Variants in ZNF737 observed in about 807,000 individuals in gnomAD.
ZNF737 encodes zinc finger protein 102 (Y3).
ZNF737 carries 13 observed loss-of-function variants against 11.7 expected under a neutral mutation model. That is an observed-to-expected ratio of 1.11 (90% CI 0.73 to 1.77). The LOEUF (loss-of-function observed/expected upper bound fraction) is 1.77. ZNF737 is among the 40% of genes most tolerant of loss of function. The probability of loss-of-function intolerance (pLI) is 0.00; values close to 1 mark genes in which losing one functional copy is unlikely to be tolerated. For missense variants in ZNF737, 636 were observed against 638.0 expected, an observed-to-expected ratio of 1.00 and a Z score of 0.03; for synonymous variants, 217 against 216.2, an observed-to-expected ratio of 1.00 and a Z score of -0.03.
chr19:20,533,209 A>G (rs571892526), downstream of ZNF737, among the ~76,000 whole-genome samples: 3 of 150,138 alleles, frequency 2.0e-5, no homozygotes, highest in Non-Finnish European at 4.4e-5. Flanking sequence ...CTTTGAATAT[A>G]TTAAGTGCAG....
Position 20,538,632 on chromosome 19 carries a change from A to C in ZNF737, c.*5960T>G. ...CTATTTCTTTACAGCTCCAGAGAAC[A>C]AACATTTCTAAAACCATTATGGACC... is the stretch of plus-strand genomic sequence containing the variant. On this transcript the variant is annotated 3_prime_UTR_variant, in exon 4 of 4. Coordinates refer to ENST00000427401, the MANE Select transcript of ZNF737 (RefSeq NM_001159293.2). The C allele has an allele frequency of 4.1e-6, 4 of 983,716 alleles. No homozygotes were observed. The highest frequency in any genetic ancestry group is 4.8e-6 in the Non-Finnish European group (4 of 828,348). The allele number at this position is 983,716 out of a possible 1,614,324, so 60.9% of individuals were successfully genotyped here. A position where few individuals can be genotyped will look rare whatever the true frequency, so the allele number is the denominator to read the frequency against.
rs782606295 is a variant in ZNF737 at position 20,545,855 on chromosome 19, GC to G, written c.347del (p.Gly116AlafsTer5). ...CCTTACACTCATCTACACTTTCACA[GC>G]CCTTTTTAAACTGTAAATTGTCATG... ...YGHDNLQFKK[G>X]CESVDECKVH... On this transcript the variant is annotated frameshift_variant, in exon 4 of 4. Transcript: ENST00000427401. LOFTEE classifies it low-confidence loss of function (END_TRUNC). 3 of 1,613,178 alleles carry G rather than the reference GC, an allele frequency of 1.9e-6. No homozygotes were observed. The African/African-American group carries it at 4.0e-5, about 22-fold the overall frequency.
rs1968427931 is a variant in ZNF737, at chr19:20,545,686, A to C, written c.517T>G (p.Phe173Val). The change falls in exon 4 of 4, where the codon TTC (phenylalanine) becomes GTC (valine). Residue 173 changes from phenylalanine (F) to valine (V), a missense_variant. Coordinates refer to ENST00000427401, the MANE Select transcript of ZNF737 (RefSeq NM_001159293.2). ...GCTTTGCCACATTCTATACATTTGA[A>C]AGGTTTTTTTCCAGTATGTCTTATC... is the stretch of plus-strand genomic sequence containing the variant. ...HKIRHTGKKP[F>V]KCIECGKAFN... 1 of 1,613,612 alleles carries C rather than the reference A, an allele frequency of 6.2e-7. No individual in the cohort carries two copies.
chr19:20,561,172 TGCAC>T (rs1969078786), intron 1 of ZNF737, among the ~76,000 whole-genome samples: 2 of 152,204 alleles, frequency 1.3e-5, no homozygotes, highest in African/African-American at 4.8e-5. Context: ...TATTACTGTG[TGCAC>T]GCAGACATAT....
chr19:20,536,816 G>C (rs1555753965), downstream of ZNF737, among the ~76,000 whole-genome samples: 1 of 152,298 alleles, frequency 6.6e-6, no homozygotes, highest in African/African-American at 2.4e-5. Flanking sequence ...GGTGGTGGGT[G>C]CCTGTAATCC....
chr19:20,562,121 GCA>G (rs1191411629), intron 1 of ZNF737, among the ~76,000 whole-genome samples: 2 of 151,284 alleles, frequency 1.3e-5, no homozygotes, highest in South Asian at 2.1e-4. Flanking sequence ...TATCACACAG[GCA>G]CACACACACA....
At chr19:20,560,611 T>C (rs193145594) in intron 1 of ZNF737, among the ~76,000 whole-genome samples, 1 of 151,998 alleles carries the variant, frequency 6.6e-6, no homozygotes, top group Admixed American at 6.6e-5. Context: ...AGAAAAGCCA[T>C]CTCTACTAAA....
chr19:20,556,035 G>A (rs1968876281), intron 1 of ZNF737, among the ~76,000 whole-genome samples: 1 of 151,996 alleles, frequency 6.6e-6, no homozygotes, highest in African/African-American at 2.4e-5. Context: ...GGAAAAATGA[G>A]CTGCTCCATA....
chr19:20,533,568 A>G (rs781946308), downstream of ZNF737, among the ~76,000 whole-genome samples: 1 of 150,098 alleles, frequency 6.7e-6, no homozygotes, highest in Non-Finnish European at 1.5e-5. Flanking sequence ...TGTAGAATTA[A>G]TTGCCTTCTG....
At chr19:20,537,055 A>C (rs1967994180), downstream of ZNF737, among the ~76,000 whole-genome samples, 1 of 152,158 alleles carries the variant, frequency 6.6e-6, no homozygotes, top group Admixed American at 6.5e-5. Flanking sequence ...GTGATCTGAG[A>C]TCATAACACT....
chr19:20,557,912 G>T lies in ZNF737; in HGVS notation c.4-4077C>A, dbSNP rs112418124. ...TTACAGGCATGAGCAACCATGCCCA[G>T]CTTTTCTAGGGTAATTTTATTAGAA... On this transcript the variant is annotated intron_variant, in intron 1 of 3. Coordinates refer to ENST00000427401, the MANE Select transcript of ZNF737 (RefSeq NM_001159293.2). 6.4e-3 allele frequency among the ~76,000 whole-genome samples: 972 copies of T among 152,196 alleles called. 7 individuals are homozygous for T. The highest frequency in any genetic ancestry group is 0.023 in the African/African-American group (938 of 41,516).
rs926193291 is a variant in ZNF737 at position 20,538,448 on chromosome 19, G to T, written c.*6144C>A. Among the ~76,000 whole-genome samples the T allele has an allele frequency of 2.0e-5, 3 of 152,174 alleles. No individual in the cohort carries two copies. The highest frequency in any genetic ancestry group is 4.4e-5 in the Non-Finnish European group (3 of 68,040). The stretch of plus-strand genomic sequence containing the variant: ...AACAATTGGGACATACAGAATGTGA[G>T]GTCCCATTCCAGCCAATGAAAACCA... On this transcript the variant is annotated 3_prime_UTR_variant, in exon 4 of 4. Transcript: ENST00000427401.
Position 20,540,130 on chromosome 19 carries a change from A to G in ZNF737, c.*4462T>C, listed in dbSNP as rs1555754786. ...ACATGGAGGAGGCAGAAATGATGGCAAGATACAAACATTTTTCCCGCCATG... is the reference window on the plus strand; with the variant it reads ...ACATGGAGGAGGCAGAAATGATGGCGAGATACAAACATTTTTCCCGCCATG... On this transcript the variant is annotated 3_prime_UTR_variant, in exon 4 of 4. Transcript: ENST00000427401. 1 of 985,274 alleles carries G rather than the reference A, an allele frequency of 1.0e-6. No individual in the cohort carries two copies. The highest frequency in any genetic ancestry group is 1.2e-6 in the Non-Finnish European group (1 of 829,932). The allele number at this position is 985,274 out of a possible 1,614,324, so 61.0% of individuals were successfully genotyped here. A position where few individuals can be genotyped will look rare whatever the true frequency, so the allele number is the denominator to read the frequency against.
intron 1 of ZNF737, among the ~76,000 whole-genome samples, chr19:20,558,105 T>C (rs561273457): frequency 2.0e-5 from 3 of 151,312 alleles, no homozygotes; most frequent in East Asian, 3.9e-4. Flanking sequence ...CTACTAAATA[T>C]ACAAAGATTA....
chr19:20,535,360 G>A (rs1967931958), downstream of ZNF737, among the ~76,000 whole-genome samples: 1 of 152,050 alleles, frequency 6.6e-6, no homozygotes, highest in South Asian at 2.1e-4. Context: ...ATCAACCTAA[G>A]TGTTCACCAA....
chr19:20,565,504 G>A (rs1451598743), intron 1 of ZNF737, 134 bp downstream of exon 1: 15 of 1,492,498 alleles, frequency 1.0e-5, no homozygotes, highest in African/African-American at 1.4e-5. Context: ...GACTGAGGCC[G>A]AGCTGGGCAA....
intron 1 of ZNF737, among the ~76,000 whole-genome samples, chr19:20,563,444 A>G (rs1372183061): frequency 1.1e-4 from 16 of 151,230 alleles, no homozygotes; most frequent in Admixed American, 8.6e-4. Context: ...AAATCCAGGG[A>G]AATTACTCAA....
chr19:20,543,590 T>C lies in ZNF737; in HGVS notation c.*1002A>G. On this transcript the variant is annotated 3_prime_UTR_variant, in exon 4 of 4. Coordinates refer to ENST00000427401, the MANE Select transcript of ZNF737 (RefSeq NM_001159293.2). ...TTTCTGTGAGATAAGGTGTAAGAACTGATTAAAAGTTTTGCCACATTCTTC... is the reference window on the plus strand; with the variant it reads ...TTTCTGTGAGATAAGGTGTAAGAACCGATTAAAAGTTTTGCCACATTCTTC... The C allele has an allele frequency of 1.0e-6, 1 of 985,510 alleles. No homozygotes were observed. 61.0% of individuals were successfully genotyped at this position (985,510 alleles called of 1,614,324 possible).
chr19:20,536,367 C>T (rs1967965286), downstream of ZNF737, among the ~76,000 whole-genome samples: 1 of 152,156 alleles, frequency 6.6e-6, no homozygotes, highest in Admixed American at 6.6e-5. Context: ...AGTTGTACAA[C>T]ATCAAATGCT....
Sources: allele counts gnomAD v4.1 joint callset (sites outside exome capture counted in the v4.1 genomes callset), GRCh38; gene constraint gnomAD v4.1.1; transcripts MANE v1.5; gene names NCBI Gene and HGNC (gene_info 2026-07-23, HGNC 2026-07-21).